B4GALNT2: variants seen among roughly 807,000 people sequenced by gnomAD.
B4GALNT2 encodes beta-1,4-N-acetyl-galactosaminyltransferase 2 (SID blood group).
A neutral mutation model predicts 51.1 loss-of-function variants in B4GALNT2; 42 were observed. That is an observed-to-expected ratio of 0.82 (90% confidence interval 0.64 to 1.06). The LOEUF is 1.06. Among genes scored for constraint, B4GALNT2 ranks in the 50% least tolerant of loss-of-function variants. B4GALNT2 has a pLI of 0.00. For synonymous variants in B4GALNT2, 253 were observed against 251.7 expected (o/e 1.01, Z -0.05); for missense variants, 602 against 633.6 (o/e 0.95, Z 0.54).
chr17:49,149,598 G>C (rs1021457518), intron 3 of B4GALNT2, among the ~76,000 whole-genome samples: 3 of 151,678 alleles, frequency 2.0e-5, no homozygotes, highest in Non-Finnish European at 4.4e-5. Context: ...AGTGAGCCGA[G>C]ATCACACCAC....
At chr17:49,130,778 C>G (rs145342441), upstream of B4GALNT2, among the ~76,000 whole-genome samples, 16 of 152,232 alleles carry the variant, frequency 1.1e-4, no homozygotes, top group African/African-American at 3.4e-4. Context: ...ATGCTTTTTG[C>G]CCAAGATATA....
chr17:49,132,330 C>G (rs574928195), upstream of B4GALNT2: 126 of 167,752 alleles, frequency 7.5e-4, no homozygotes, highest in Non-Finnish European at 1.5e-3. Flanking sequence ...AAGGATTCAG[C>G]CACACCCCAG....
Position 49,169,515 on chromosome 17 carries a change from C to T in B4GALNT2, c.1316-8C>T. The T allele has an allele frequency of 1.2e-6, 2 of 1,609,518 alleles. No individual in the cohort carries two copies. The highest frequency in any genetic ancestry group is 1.7e-6 in the Non-Finnish European group (2 of 1,179,506). Reference sequence around the variant, plus strand: ...TCCCACTTCCTTCTGCTCTCCCTCTCTTTGCAGAATTCTTCATTGATGGGC... The same window carrying T: ...TCCCACTTCCTTCTGCTCTCCCTCTTTTTGCAGAATTCTTCATTGATGGGC... On this transcript the variant is annotated splice_region_variant and splice_polypyrimidine_tract_variant and intron_variant, in intron 10 of 10. Transcript: ENST00000393354.
At chr17:49,169,265 C>T (rs1324834078) in intron 10 of B4GALNT2, among the ~76,000 whole-genome samples, 1 of 152,192 alleles carries the variant, frequency 6.6e-6, no homozygotes, top group African/African-American at 2.4e-5. Context: ...GTCCGCAGTT[C>T]TGTCCAGTTT....
chr17:49,141,244 C>G lies in B4GALNT2; in HGVS notation c.15-3C>G, dbSNP rs781181317. ...CATAATCTGTTCTTTTGTGTCCCAA[C>G]AGCTCGAGATTTCTGTGGCTCCTCA... On this transcript the variant is annotated splice_region_variant and splice_polypyrimidine_tract_variant and intron_variant, in intron 1 of 10. Coordinates refer to ENST00000393354, the MANE Select transcript of B4GALNT2 (RefSeq NM_001159387.2). 6 of 1,612,800 alleles carry G rather than the reference C, an allele frequency of 3.7e-6. No individual in the cohort carries two copies. Among genetic ancestry groups the G allele is most frequent in the Non-Finnish European group, 5.1e-6 (6 of 1,178,828 alleles).
At chr17:49,124,007 A>G in the B4GALNT2 span, among the ~76,000 whole-genome samples, 77 of 152,238 alleles carry the variant, frequency 5.1e-4, no homozygotes, top group Non-Finnish European at 8.1e-4. Flanking sequence ...AAGAATACTC[A>G]CAGTTTCCAA....
At chr17:49,125,774 G>GCA in the B4GALNT2 span, among the ~76,000 whole-genome samples, 1 of 44,156 alleles carries the variant, frequency 2.3e-5, no homozygotes, top group Non-Finnish European at 6.0e-5. Context: ...CCGCCCGTCC[G>GCA]GCCGCCCCGT....
rs375799802 is a variant in B4GALNT2 at position 49,146,875 on chromosome 17, T to C, written c.353+4703T>C. ...CTCCTTCCTTAGATTAGGGATTCCC[T>C]GAAGGTTGGCACTGCTCTTGCAGGA... On this transcript the variant is annotated intron_variant, in intron 3 of 10. Transcript: ENST00000393354. Among the ~76,000 whole-genome samples, 24 of 152,354 alleles carry C rather than the reference T, an allele frequency of 1.6e-4. No homozygotes were observed. In the East Asian group the frequency reaches 3.1e-3, roughly 20 times the overall value.
intron 1 of B4GALNT2, among the ~76,000 whole-genome samples, chr17:49,139,729 C>T (rs181405989): frequency 2.3e-4 from 35 of 152,144 alleles, no homozygotes; most frequent in Admixed American, 1.7e-3. Context: ...TTGCCCAGGA[C>T]GGTCCTGAAC....
intron 3 of B4GALNT2, among the ~76,000 whole-genome samples, chr17:49,150,152 T>G (rs1419744967): frequency 6.9e-6 from 1 of 145,244 alleles, no homozygotes; most frequent in Non-Finnish European, 1.5e-5. Context: ...TACTGGGAAG[T>G]GAGGAGCCCC....
At chr17:49,143,110 A>G (rs776398841) in intron 3 of B4GALNT2, among the ~76,000 whole-genome samples, 1 of 152,038 alleles carries the variant, frequency 6.6e-6, no homozygotes, top group African/African-American at 2.4e-5. Context: ...TTAGCTAGGC[A>G]TGGTGACGCA....
chr17:49,141,066 T>G (rs1055574170), intron 1 of B4GALNT2, among the ~76,000 whole-genome samples, 181 bp from the exon 2 acceptor site: 1 of 152,024 alleles, frequency 6.6e-6, no homozygotes, highest in African/African-American at 2.4e-5. Context: ...TTATTTGTAA[T>G]TTTTCTAAGT....
chr17:49,140,458 A>G (rs1207468591), intron 1 of B4GALNT2, among the ~76,000 whole-genome samples: 1 of 152,162 alleles, frequency 6.6e-6, no homozygotes, highest in Non-Finnish European at 1.5e-5. Flanking sequence ...AAATTATATC[A>G]TTTTGTTGTT....
At chr17:49,156,957 T>G (rs2042816451) in intron 5 of B4GALNT2, among the ~76,000 whole-genome samples, 1 of 152,202 alleles carries the variant, frequency 6.6e-6, no homozygotes, top group South Asian at 2.1e-4. Flanking sequence ...TTTCCCCACT[T>G]TATGCAGCTC....
the B4GALNT2 span, among the ~76,000 whole-genome samples, chr17:49,124,728 C>G: frequency 6.6e-6 from 1 of 152,092 alleles, no homozygotes; most frequent in African/African-American, 2.4e-5. Context: ...GACAAATTTA[C>G]CGAATTTTAA....
At chr17:49,156,435 C>T in intron 4 of B4GALNT2, 131 bp from the exon 5 acceptor site, 1 of 940,292 alleles carries the variant, frequency 1.1e-6, no homozygotes, top group Non-Finnish European at 1.6e-6. Flanking sequence ...TGTCAGCAAA[C>T]ACTCTGGGCG....
chr17:49,150,723 A>G (rs1315958567), intron 3 of B4GALNT2, among the ~76,000 whole-genome samples: 1 of 151,098 alleles, frequency 6.6e-6, no homozygotes, highest in Non-Finnish European at 1.5e-5. Context: ...GCTTGACGGC[A>G]GCATGCTCGT....
At chr17:49,125,683 G>A in the B4GALNT2 span, among the ~76,000 whole-genome samples, 411 of 117,962 alleles carry the variant, frequency 3.5e-3, 2 homozygotes, top group African/African-American at 0.012. Flanking sequence ...CCCTGTGGCC[G>A]CCCCGTCTGG....
intron 4 of B4GALNT2, among the ~76,000 whole-genome samples, chr17:49,154,000 G>C (rs1432112907): frequency 2.7e-5 from 4 of 150,692 alleles, no homozygotes; most frequent in African/African-American, 9.8e-5. Flanking sequence ...AAGCCACTCT[G>C]TAAAAAGTGC....
Sources: gnomAD v4.1 joint callset for allele counts (sites outside exome capture counted in the v4.1 genomes callset) on GRCh38, gnomAD v4.1.1 for gene constraint, MANE v1.5 for transcripts, NCBI Gene and HGNC (gene_info 2026-07-23, HGNC 2026-07-21) for gene names.